Variants in INTS5 observed in about 807,000 individuals in gnomAD.
INTS5 encodes integrator complex subunit 5, also known as KIAA1698.
In INTS5, 29 loss-of-function variants were observed where a neutral mutation model predicts 60.0. The observed-to-expected ratio is 0.48, with a 90% CI of 0.36 to 0.66. INTS5 has a LOEUF of 0.66. INTS5 is among the 30% of genes least tolerant of loss of function. The pLI is 0.00. For missense variants in INTS5, 1,129 were observed against 1,307.9 expected, an observed-to-expected ratio of 0.86 and a Z score of 2.11; for synonymous variants, 588 against 558.8, an observed-to-expected ratio of 1.05 and a Z score of -0.74.
rs1944552936 is a variant in INTS5, at chr11:62,648,086, G to C, written c.1994C>G (p.Pro665Arg). ...AAGCTGACAGGCTGAGGCCACACCT[G>C]GGGGTCCATGCAGCCTCAGAGAGGC... ...FFASLRLHGP[P>R]GVASACQLLT... Residue 665 changes from proline (P) to arginine (R), a missense_variant, in exon 2 of 2, where the codon CCA (proline) becomes CGA (arginine). Around this residue, in one of 3 missense-constraint regions of INTS5, gnomAD observed 1,070 missense variants for 1,246.1 expected, o/e 0.86. Coordinates refer to ENST00000330574, the MANE Select transcript of INTS5 (RefSeq NM_030628.2). This position sits in a 1 kb window ranked among gnomAD's most constrained non-coding sequence, Gnocchi z 4.4. The C allele has an allele frequency of 1.9e-6, 3 of 1,613,936 alleles. No homozygotes were observed. The highest frequency in any genetic ancestry group is 1.7e-5 in the Admixed American group (1 of 60,004).
Position 62,647,678 on chromosome 11 carries a change from GC to G in INTS5, c.2401del (p.Ala801HisfsTer4). Reference sequence around the variant, plus strand: ...GGCTGCCTCTGGACTCAAGATGGGTGCCCCCCAGCATTCCCCACATTCAGTG... The same window carrying G: ...GGCTGCCTCTGGACTCAAGATGGGTGCCCCCAGCATTCCCCACATTCAGTG... ...GGTECGECWG[A>X]PILSPEAAKA... On this transcript the variant is annotated frameshift_variant, in exon 2 of 2. Transcript: ENST00000330574. LOFTEE classifies it high-confidence loss of function. 1.9e-6 allele frequency: 3 copies of G among 1,614,108 alleles called. No individual in the cohort carries two copies. Among genetic ancestry groups the G allele is most frequent in the Non-Finnish European group, 2.5e-6 (3 of 1,180,040 alleles).
At chr11:62,652,686 C>T (rs1183309075) in intron 1 of INTS5, among the ~76,000 whole-genome samples, 1 of 152,120 alleles carries the variant, frequency 6.6e-6, no homozygotes, top group South Asian at 2.1e-4. Context: ...TTTCTCTTAT[C>T]GCCTTTTCTG....
At position 62,649,543 on chromosome 11, in the gene INTS5, C is replaced by A; in HGVS notation, c.537G>T (p.Leu179=). The change falls in exon 2 of 2, where the codon CTG becomes CTT. Residue 179 remains leucine, a synonymous_variant. Coordinates refer to ENST00000330574, the MANE Select transcript of INTS5 (RefSeq NM_030628.2). This position sits in a 1 kb window ranked among gnomAD's most constrained non-coding sequence, Gnocchi z 6.0. ...TACGCGTGGCCCTACAACCCATCCA[C>A]AGCTGTAGCAGTTCATTAAGAGCGC... The part of the protein sequence containing the change: ...ATGALNELLQ[L]WMGCRATRTL... The A allele has an allele frequency of 6.2e-7, 1 of 1,614,240 alleles. No individual in the cohort carries two copies. The highest frequency in any genetic ancestry group is 1.1e-5 in the South Asian group (1 of 91,090).
At chr11:62,651,158 T>C (rs1944589624) in intron 1 of INTS5, among the ~76,000 whole-genome samples, 1 of 152,162 alleles carries the variant, frequency 6.6e-6, no homozygotes, top group Non-Finnish European at 1.5e-5. Flanking sequence ...CCGCCCAGGC[T>C]GGAGTGCAGT....
intron 1 of INTS5, among the ~76,000 whole-genome samples, chr11:62,652,835 C>G (rs1944606625): frequency 6.6e-6 from 1 of 152,158 alleles, no homozygotes; most frequent in East Asian, 1.9e-4. Context: ...CTCAGGGAGT[C>G]TCTATGAAGT....
chr11:62,651,306 G>A (rs1478457113), intron 1 of INTS5, among the ~76,000 whole-genome samples: 10 of 151,564 alleles, frequency 6.6e-5, no homozygotes, highest in African/African-American at 2.4e-4. Context: ...TAGTAGAGAC[G>A]GGGTTTCACC....
rs1243273635 is a variant in INTS5 at position 62,653,276 on chromosome 11, G to A, written c.-27C>T. The A allele has an allele frequency of 6.5e-6, 8 of 1,240,164 alleles. No homozygotes were observed. The highest frequency in any genetic ancestry group is 4.2e-5 in the Admixed American group (1 of 23,626). 76.8% of individuals were successfully genotyped at this position (1,240,164 alleles called of 1,614,324 possible). On this transcript the variant is annotated 5_prime_UTR_variant, in exon 1 of 2. Transcript: ENST00000330574. ...CCGGAGCCCGAGCCGAGCCCGAGGC[G>A]CGAGCGGCGGAGCGCAGGCGGCGCA... is the stretch of plus-strand genomic sequence containing the variant.
rs373011103 is a variant in INTS5, at chr11:62,653,264, C to A, written c.-15G>T. 5.6e-6 allele frequency: 7 copies of A among 1,242,816 alleles called. No individual in the cohort carries two copies. The South Asian group carries it at 1.6e-4, about 29-fold the overall frequency. The allele number at this position is 1,242,816 out of a possible 1,614,324, so 77.0% of individuals were successfully genotyped here. A position where few individuals can be genotyped will look rare whatever the true frequency, so the allele number is the denominator to read the frequency against. Reference sequence around the variant, plus strand: ...AGCGCGGACATCCCGGAGCCCGAGCCGAGCCCGAGGCGCGAGCGGCGGAGC... The same window carrying A: ...AGCGCGGACATCCCGGAGCCCGAGCAGAGCCCGAGGCGCGAGCGGCGGAGC... On this transcript the variant is annotated 5_prime_UTR_variant, in exon 1 of 2. Transcript: ENST00000330574.
At position 62,648,762 on chromosome 11, in the gene INTS5, G is replaced by A; in HGVS notation, c.1318C>T (p.Gln440Ter). The A allele has an allele frequency of 6.2e-7, 1 of 1,614,214 alleles. No homozygotes were observed. Among genetic ancestry groups the A allele is most frequent in the Non-Finnish European group, 8.5e-7 (1 of 1,180,046 alleles). ...TTTTGCAGGTGCAGCAGCAGCAGCTGGATTAGCCGGTCACAAGCCTCACGC... is the reference window on the plus strand; with the variant it reads ...TTTTGCAGGTGCAGCAGCAGCAGCTAGATTAGCCGGTCACAAGCCTCACGC... Reference protein sequence around the residue: ...TVREACDRLIQLLLLHLQKLV... With the variant: ...TVREACDRLI Residue 440 changes from glutamine to a stop codon, truncating the protein, a stop_gained, in exon 2 of 2, where the codon CAG (glutamine) becomes TAG (stop). Coordinates refer to ENST00000330574, the MANE Select transcript of INTS5 (RefSeq NM_030628.2). LOFTEE classifies it high-confidence loss of function. This position sits in a 1 kb window ranked among gnomAD's most constrained non-coding sequence, Gnocchi z 4.4.
In INTS5 at chr11:62,649,136, C is replaced by T. The variant is rs752679300; in HGVS notation, c.944G>A (p.Arg315Gln). 6.3e-5 allele frequency: 101 copies of T among 1,612,876 alleles called. No individual in the cohort carries two copies. The Middle Eastern group carries it at 6.6e-4, about 11-fold the overall frequency. The change falls in exon 2 of 2, where the codon CGA becomes CAA. Residue 315 changes from arginine (R) to glutamine (Q), a missense_variant. Physicochemically the swap from Arg to Gln is conservative, Grantham distance 43. Coordinates refer to ENST00000330574, the MANE Select transcript of INTS5 (RefSeq NM_030628.2). This position sits in a 1 kb window ranked among gnomAD's most constrained non-coding sequence, Gnocchi z 6.0. Reference sequence around the variant, plus strand: ...CCCTGCCAGGCTATCATGGAACATTCGCAGGAGCTCCCGTCGGATGCTATC... The same window carrying T: ...CCCTGCCAGGCTATCATGGAACATTTGCAGGAGCTCCCGTCGGATGCTATC... Reference protein sequence around the residue: ...HGDSIRRELLRMFHDSLAGGS... With the variant: ...HGDSIRRELLQMFHDSLAGGS...
In INTS5 at chr11:62,647,425, G is replaced by C. The variant is rs1266775113; in HGVS notation, c.2655C>G (p.Leu885=). ...SVLLRGLLAA[L]LGHWEASRHP... The stretch of plus-strand genomic sequence containing the variant: ...GGCGAGAGGCTTCCCAATGGCCCAA[G>C]AGGGCGGCCAGCAGCCCCCGAAGCA... Residue 885 remains leucine (L), a synonymous_variant, in exon 2 of 2, where the codon CTC becomes CTG. Transcript: ENST00000330574. The C allele has an allele frequency of 1.9e-6, 3 of 1,609,974 alleles. No homozygotes were observed. Among genetic ancestry groups the C allele is most frequent in the Non-Finnish European group, 2.5e-6 (3 of 1,177,618 alleles).
chr11:62,649,161 C>A lies in INTS5; in HGVS notation c.919G>T (p.Asp307Tyr). 10 of 1,613,708 alleles carry A rather than the reference C, an allele frequency of 6.2e-6. No individual in the cohort carries two copies. Among genetic ancestry groups the A allele is most frequent in the Non-Finnish European group, 7.6e-6 (9 of 1,179,614 alleles). The change falls in exon 2 of 2, where the codon GAT becomes TAT. Residue 307 changes from aspartate to tyrosine, a missense_variant. Coordinates refer to ENST00000330574, the MANE Select transcript of INTS5 (RefSeq NM_030628.2). The surrounding 1 kb of genome is among the most constrained non-coding windows in gnomAD (Gnocchi z 6.0). ...CGCAGGAGCTCCCGTCGGATGCTAT[C>A]TCCGTGGCGGGAGGCCAGGTGACCT... ...ILGHLASRHG[D>Y]SIRRELLRMF...
intron 1 of INTS5, among the ~76,000 whole-genome samples, chr11:62,652,421 GA>G (rs527714522): frequency 0.015 from 2,152 of 144,758 alleles, 42 homozygotes; most frequent in African/African-American, 0.05. Context: ...CTCTTAATGG[GA>G]AAAAAAAAAA....
rs1944576900 is a variant in INTS5, at chr11:62,649,535, C to T, written c.545G>A (p.Gly182Asp). The change falls in exon 2 of 2, where the codon GGT becomes GAT. Residue 182 changes from glycine to aspartate, a missense_variant. Transcript: ENST00000330574. This position sits in a 1 kb window ranked among gnomAD's most constrained non-coding sequence, Gnocchi z 6.0. Reference protein sequence around the residue: ...ALNELLQLWMGCRATRTLMDI... With the variant: ...ALNELLQLWMDCRATRTLMDI... ...CATTAATGTACGCGTGGCCCTACAA[C>T]CCATCCACAGCTGTAGCAGTTCATT... is the stretch of plus-strand genomic sequence containing the variant. 3 of 1,614,102 alleles carry T rather than the reference C, an allele frequency of 1.9e-6. No individual in the cohort carries two copies. The highest frequency in any genetic ancestry group is 1.1e-5 in the South Asian group (1 of 91,096).
intron 1 of INTS5, 32 bp from the exon 2 acceptor site, chr11:62,650,031 G>A (rs765880487): frequency 1.3e-6 from 2 of 1,565,694 alleles, no homozygotes; most frequent in South Asian, 2.2e-5. Context: ...AGACTTAAGA[G>A]TGTTGTGAGA....
In INTS5 at chr11:62,651,595, C is replaced by T. The variant is rs907222813; in HGVS notation, c.80+1575G>A. ...AATCAAGGCTGGCTTCAGTGGCTCA[C>T]GCCTATAATCCCAGCACTTTGGGAG... On this transcript the variant is annotated intron_variant, in intron 1 of 1. Coordinates refer to ENST00000330574, the MANE Select transcript of INTS5 (RefSeq NM_030628.2). Among the ~76,000 whole-genome samples the T allele has an allele frequency of 6.6e-5, 10 of 152,262 alleles. No homozygotes were observed. The East Asian group carries it at 1.7e-3, about 26-fold the overall frequency.
Position 62,647,375 on chromosome 11 carries a change from C to G in INTS5, c.2705G>C (p.Trp902Ser). ...SRHPDTTHSP[W>S]HLEASCTLVA... Reference sequence around the variant, plus strand: ...TAAGGTGCAGGATGCCTCCAGGTGCCAGGGGGAGTGGGTCGTGTCAGGGTG... The same window carrying G: ...TAAGGTGCAGGATGCCTCCAGGTGCGAGGGGGAGTGGGTCGTGTCAGGGTG... Residue 902 changes from tryptophan (W) to serine (S), a missense_variant, in exon 2 of 2, where the codon TGG (tryptophan) becomes TCG (serine). Around this residue, in one of 3 missense-constraint regions of INTS5, gnomAD observed 1,070 missense variants for 1,246.1 expected, o/e 0.86. Coordinates refer to ENST00000330574, the MANE Select transcript of INTS5 (RefSeq NM_030628.2). 2 of 1,613,386 alleles carry G rather than the reference C, an allele frequency of 1.2e-6. No individual in the cohort carries two copies. The highest frequency in any genetic ancestry group is 1.7e-6 in the Non-Finnish European group (2 of 1,179,776).
chr11:62,651,511 T>G (rs986975692), intron 1 of INTS5, among the ~76,000 whole-genome samples: 3 of 152,218 alleles, frequency 2.0e-5, no homozygotes, highest in African/African-American at 7.2e-5. Context: ...GCGTGTATTA[T>G]TTCAATCCTG....
rs146080282 is a variant in INTS5 at position 62,647,197 on chromosome 11, G to A, written c.2883C>T (p.Ile961=). The part of the protein sequence containing the change: ...REHGPLPQKF[I]FQSERGRFIR... ...TGAAGCGACCCCGCTCTGATTGGAA[G>A]ATGAACTTCTGAGGCAAGGGCCCAT... Residue 961 remains isoleucine (I), a synonymous_variant, in exon 2 of 2, where the codon ATC becomes ATT. Coordinates refer to ENST00000330574, the MANE Select transcript of INTS5 (RefSeq NM_030628.2). The A allele has an allele frequency of 2.7e-5, 44 of 1,614,226 alleles. No homozygotes were observed. Among genetic ancestry groups the A allele is most frequent in the Non-Finnish European group, 3.4e-5 (40 of 1,180,036 alleles).
Sources: allele counts gnomAD v4.1 joint callset (sites outside exome capture counted in the v4.1 genomes callset), GRCh38; gene constraint gnomAD v4.1.1; regional missense constraint gnomAD v4.1.1; non-coding constraint Gnocchi (gnomAD v3.1); transcripts MANE v1.5; gene names NCBI Gene and HGNC (gene_info 2026-07-23, HGNC 2026-07-21).